USP48: variants seen among roughly 807,000 people sequenced by gnomAD.
USP48 encodes the protein ubiquitin carboxyl-terminal hydrolase 48.
A neutral mutation model predicts 150.7 loss-of-function variants in USP48; 43 were observed. The ratio of observed to expected loss-of-function variants is 0.29; its 90% CI spans 0.22 to 0.37. The LOEUF is 0.37. Among genes scored for constraint, USP48 ranks in the 10% least tolerant of loss-of-function variants. The pLI, the probability that USP48 is intolerant of heterozygous loss-of-function variation, is 1.00. For synonymous variants in USP48, 396 were observed against 425.9 expected, an observed-to-expected ratio of 0.93 and a Z score of 0.86; for missense variants, 813 against 1,249.6, an observed-to-expected ratio of 0.65 and a Z score of 5.27.
At chr1:21,710,696 A>G (rs991350173) in intron 15 of USP48, among the ~76,000 whole-genome samples, 1 of 152,214 alleles carries the variant, frequency 6.6e-6, no homozygotes, top group Non-Finnish European at 1.5e-5. Flanking sequence ...TTTTGTTATA[A>G]AAATATGAAA....
At chr1:21,707,037 C>T (rs1291199291) in intron 15 of USP48, 169 bp from the exon 16 acceptor site, 6 of 818,110 alleles carry the variant, frequency 7.3e-6, no homozygotes, top group East Asian at 2.8e-5. Flanking sequence ...TCTGAATTTC[C>T]GATTTCATTT....
At chr1:21,703,472 C>T (rs1265411083) in intron 21 of USP48, 40 bp downstream of exon 21, 5 of 1,528,782 alleles carry the variant, frequency 3.3e-6, no homozygotes, top group Non-Finnish European at 4.5e-6. Context: ...AAAGAGCACG[C>T]TTGATCATTA....
At chr1:21,706,962 G>T in intron 15 of USP48, 94 bp from the exon 16 acceptor site, 3 of 1,360,564 alleles carry the variant, frequency 2.2e-6, no homozygotes, top group Admixed American at 2.6e-5. Context: ...AAAATCCACA[G>T]GTACGCTTTT....
chr1:21,720,925 G>T, intron 14 of USP48, 111 bp downstream of exon 14: 1 of 1,419,552 alleles, frequency 7.0e-7, no homozygotes, highest in African/African-American at 1.4e-5. Flanking sequence ...TGATCTGCCC[G>T]TCTGAGCCTC....
At chr1:21,771,574 A>C (rs886346921) in intron 1 of USP48, among the ~76,000 whole-genome samples, 7 of 151,898 alleles carry the variant, frequency 4.6e-5, no homozygotes, top group Admixed American at 4.6e-4. Context: ...AATAATTAGA[A>C]TTGTGGTATC....
intron 25 of USP48, among the ~76,000 whole-genome samples, chr1:21,685,284 T>C (rs2097577542): frequency 6.6e-6 from 1 of 152,088 alleles, no homozygotes; most frequent in African/African-American, 2.4e-5. Context: ...AAGTATTTAA[T>C]CTTATTTTTT....
chr1:21,683,865 G>A (rs146562854), intron 25 of USP48, among the ~76,000 whole-genome samples: 26 of 152,246 alleles, frequency 1.7e-4, no homozygotes, highest in African/African-American at 6.0e-4. Context: ...TCCTACGTAT[G>A]AGTGAGAAAA....
intron 1 of USP48, among the ~76,000 whole-genome samples, chr1:21,758,029 C>T (rs541991901): frequency 6.6e-6 from 1 of 152,266 alleles, no homozygotes; most frequent in South Asian, 2.1e-4. Context: ...TGAGGATTTA[C>T]TGTTCCTTAG....
chr1:21,725,597 C>CA (rs1279454413), intron 11 of USP48, among the ~76,000 whole-genome samples: 2 of 151,810 alleles, frequency 1.3e-5, no homozygotes, highest in African/African-American at 2.4e-5. Context: ...ACTAAAAATA[C>CA]AAAAAATTAG....
intron 25 of USP48, 44 bp from the exon 26 acceptor site, chr1:21,680,878 T>G: frequency 6.7e-7 from 1 of 1,491,832 alleles, no homozygotes; most frequent in Non-Finnish European, 9.2e-7. Flanking sequence ...GAAAAGATTG[T>G]CGTGACAGAC....
chr1:21,734,695 G>T (rs1225126051), intron 9 of USP48, among the ~76,000 whole-genome samples: 1 of 152,200 alleles, frequency 6.6e-6, no homozygotes, highest in African/African-American at 2.4e-5. Flanking sequence ...GAAATGATAT[G>T]ACCACACTTG....
chr1:21,697,052 T>C (rs1331042444), intron 22 of USP48, among the ~76,000 whole-genome samples: 4 of 152,128 alleles, frequency 2.6e-5, no homozygotes, highest in African/African-American at 9.7e-5. Flanking sequence ...GTTTCCACAG[T>C]CGTCACTGAA....
chr1:21,780,836 G>A (rs1428260216), intron 1 of USP48, among the ~76,000 whole-genome samples: 9 of 141,392 alleles, frequency 6.4e-5, no homozygotes, highest in Non-Finnish European at 1.2e-4. Context: ...TCCACCTCCC[G>A]GGTTCCAGGG....
At chr1:21,745,222 A>T (rs1277124067) in intron 8 of USP48, among the ~76,000 whole-genome samples, 2 of 152,186 alleles carry the variant, frequency 1.3e-5, no homozygotes, top group African/African-American at 4.8e-5. Flanking sequence ...ACAAGCCTAT[A>T]ACTATAAACC....
intron 8 of USP48, among the ~76,000 whole-genome samples, chr1:21,739,204 C>T (rs2097775484): frequency 6.6e-6 from 1 of 151,874 alleles, no homozygotes; most frequent in African/African-American, 2.4e-5. Flanking sequence ...GGACTCCCAC[C>T]AGGAAACTAA....
At chr1:21,695,253 T>C in intron 22 of USP48, 32 bp from the exon 23 acceptor site, 1 of 1,568,266 alleles carries the variant, frequency 6.4e-7, no homozygotes, top group East Asian at 2.3e-5. Flanking sequence ...AAGAAAGCAC[T>C]GAAATTAACC....
At position 21,725,803 on chromosome 1, in the gene USP48, C is replaced by A. The variant is rs181941299; in HGVS notation, c.1451-1708G>T. Among the ~76,000 whole-genome samples the A allele has an allele frequency of 2.2e-3, 338 of 151,912 alleles. 4 individuals are homozygous for A. Among genetic ancestry groups the A allele is most frequent in the Non-Finnish European group, 1.1e-3 (73 of 67,980 alleles). On this transcript the variant is annotated intron_variant, in intron 11 of 26. Coordinates refer to ENST00000308271, the MANE Select transcript of USP48 (RefSeq NM_032236.8). ...AGATGCAGTATATGTAACACAGCTG[C>A]AGCACTTTACAGTATATCATGGTAT... is the stretch of plus-strand genomic sequence containing the variant.
intron 23 of USP48, among the ~76,000 whole-genome samples, chr1:21,690,587 G>A (rs1274124493): frequency 6.6e-6 from 1 of 151,790 alleles, no homozygotes; most frequent in African/African-American, 2.4e-5. Context: ...GCAGTGGCGC[G>A]ATCATGGCTC....
intron 25 of USP48, among the ~76,000 whole-genome samples, chr1:21,685,720 G>A (rs1417797609): frequency 1.3e-5 from 2 of 152,226 alleles, no homozygotes; most frequent in African/African-American, 2.4e-5. Context: ...CTACACTACA[G>A]AAACTCACTT....
Sources: gnomAD v4.1 joint callset for allele counts (sites outside exome capture counted in the v4.1 genomes callset) on GRCh38, gnomAD v4.1.1 for gene constraint, MANE v1.5 for transcripts, NCBI Gene and HGNC (gene_info 2026-07-23, HGNC 2026-07-21) for gene names.